The following CHMP1A variants were observed in gnomAD, a reference collection of about 807,000 sequenced individuals.
CHMP1A encodes charged multivesicular body protein 1A, also known as VPS46 homolog A.
In CHMP1A, 17 loss-of-function variants were observed where a neutral mutation model predicts 27.0. The observed-to-expected ratio is 0.63, with a 90% CI of 0.43 to 0.95. CHMP1A has a LOEUF of 0.95. CHMP1A is among the 40% of genes least tolerant of loss of function. The probability of loss-of-function intolerance (pLI) is 0.00; values close to 1 mark genes in which losing one functional copy is unlikely to be tolerated. For synonymous variants in CHMP1A, 131 were observed against 107.5 expected, an observed-to-expected ratio of 1.22 and a Z score of -1.35; for missense variants, 275 against 264.0, an observed-to-expected ratio of 1.04 and a Z score of -0.29.
rs76319088 is a variant in CHMP1A, at chr16:89,652,019, G to C, written c.28-373C>G. Among the ~76,000 whole-genome samples, 3,710 of 152,332 alleles carry C rather than the reference G, an allele frequency of 0.024. 686 individuals carry two copies. In the East Asian group the frequency reaches 0.5, roughly 21 times the overall value. ...GGCTTTTCAACGTCAAAGAAAGACT[G>C]AAGGAAACTCATTTCAGGCTACCCC... On this transcript the variant is annotated intron_variant, in intron 2 of 6. Transcript: ENST00000397901.
chr16:89,647,450 A>C, intron 4 of CHMP1A, 119 bp from the exon 5 acceptor site: 1 of 890,910 alleles, frequency 1.1e-6, no homozygotes, highest in Non-Finnish European at 1.7e-6. Flanking sequence ...TGACCCACAA[A>C]ACCCCAACTC....
Position 89,646,926 on chromosome 16 carries a change from T to C in CHMP1A, c.382-212A>G, listed in dbSNP as rs1555634072. 2.4e-5 allele frequency: 16 copies of C among 669,908 alleles called. 1 individual carries two copies. The highest frequency in any genetic ancestry group is 2.8e-5 in the Admixed American group (1 of 35,910). 41.5% of individuals were successfully genotyped at this position (669,908 alleles called of 1,614,324 possible). A position where few individuals can be genotyped will look rare whatever the true frequency, so the allele number is the denominator to read the frequency against. ...CACCCTCTGACTGTGCCATGCCTGC[T>C]GCCGCGGGTGGACATCTTTCCACAC... On this transcript the variant is annotated intron_variant, in intron 5 of 6. Transcript: ENST00000397901.
At chr16:89,655,814 C>A (rs559008789) in intron 1 of CHMP1A, among the ~76,000 whole-genome samples, 4 of 152,082 alleles carry the variant, frequency 2.6e-5, no homozygotes, top group African/African-American at 4.8e-5. Flanking sequence ...TTAGAAGAGA[C>A]GGGGTTTCAC....
At chr16:89,654,952 A>G (rs961968619) in intron 1 of CHMP1A, among the ~76,000 whole-genome samples, 4 of 152,128 alleles carry the variant, frequency 2.6e-5, no homozygotes, top group African/African-American at 9.7e-5. Flanking sequence ...CAAAAAAAAA[A>G]AGAAAAAATA....
At chr16:89,648,784 G>A (rs1226029515) in intron 4 of CHMP1A, among the ~76,000 whole-genome samples, 2 of 100,440 alleles carry the variant, frequency 2.0e-5, no homozygotes, top group Non-Finnish European at 4.2e-5. Flanking sequence ...TCAGCTACTT[G>A]GGAGGCTGAG....
chr16:89,646,397 C>T lies in CHMP1A; in HGVS notation c.569+130G>A, dbSNP rs369712341. The T allele has an allele frequency of 6.5e-5, 71 of 1,087,182 alleles. No individual in the cohort carries two copies. The African/African-American group carries it at 7.1e-4, about 11-fold the overall frequency. The allele number at this position is 1,087,182 out of a possible 1,614,324, so 67.3% of individuals were successfully genotyped here. A position where few individuals can be genotyped will look rare whatever the true frequency, so the allele number is the denominator to read the frequency against. ...GCGGCTGCAGCTGGGGCCTCTGAGT[C>T]GAGATCAGGGCTCCCTGGTCGGAGC... is the stretch of plus-strand genomic sequence containing the variant. On this transcript the variant is annotated intron_variant, in intron 6 of 6. Coordinates refer to ENST00000397901, the MANE Select transcript of CHMP1A (RefSeq NM_002768.5).
At position 89,646,023 on chromosome 16, in the gene CHMP1A, A is replaced by G. The variant is rs1381537166; in HGVS notation, c.*43T>C. 1 of 1,605,950 alleles carries G rather than the reference A, an allele frequency of 6.2e-7. No homozygotes were observed. The highest frequency in any genetic ancestry group is 2.2e-5 in the East Asian group (1 of 44,724). The stretch of plus-strand genomic sequence containing the variant: ...GGTGGGGAGAGGACAGGAGCCTTCC[A>G]GCACATCACGGGGCAGAGGCGGTGC... On this transcript the variant is annotated 3_prime_UTR_variant, in exon 7 of 7. Transcript: ENST00000397901.
At chr16:89,649,263 T>A in intron 4 of CHMP1A, 88 bp downstream of exon 4, 1 of 1,379,198 alleles carries the variant, frequency 7.3e-7, no homozygotes, top group Non-Finnish European at 9.7e-7. Context: ...TTCCGTCAAC[T>A]CTGAGCTGCC....
chr16:89,646,884 G>GTCCCCC, intron 5 of CHMP1A, 170 bp from the exon 6 acceptor site: 1 of 709,060 alleles, frequency 1.4e-6, no homozygotes, highest in Non-Finnish European at 2.4e-6. Context: ...AGCCTTTCCT[G>GTCCCCC]CCCCCCCACC....
intron 1 of CHMP1A, among the ~76,000 whole-genome samples, chr16:89,656,874 CA>C (rs36093105): frequency 0.075 from 11,355 of 152,048 alleles, 546 homozygotes; most frequent in Admixed American, 0.12. Flanking sequence ...TGAGGAGTGC[CA>C]GGGGCGGGGG....
chr16:89,656,643 C>T (rs981041901), intron 1 of CHMP1A, among the ~76,000 whole-genome samples: 1 of 152,214 alleles, frequency 6.6e-6, no homozygotes, highest in African/African-American at 2.4e-5. Flanking sequence ...CTCTGCTTCC[C>T]CACATGGAGA....
rs72805595 is a variant in CHMP1A, at chr16:89,649,256, C to T, written c.252+95G>A. 0.22 allele frequency: 319,703 copies of T among 1,476,826 alleles called. 36,591 individuals are homozygous for T. The highest frequency in any genetic ancestry group is 0.28 in the South Asian group (22,047 of 77,940). 91.5% of individuals were successfully genotyped at this position (1,476,826 alleles called of 1,614,324 possible). On this transcript the variant is annotated intron_variant, in intron 4 of 6. Transcript: ENST00000397901. Reference sequence around the variant, plus strand: ...CCCCACCCCGCGCTGATCCACCTTCCGTCAACTCTGAGCTGCCCCAGATCC... The same window carrying T: ...CCCCACCCCGCGCTGATCCACCTTCTGTCAACTCTGAGCTGCCCCAGATCC...
At chr16:89,650,189 T>C (rs2059813307) in intron 3 of CHMP1A, among the ~76,000 whole-genome samples, 1 of 152,148 alleles carries the variant, frequency 6.6e-6, no homozygotes. Context: ...CTTTTTTTTC[T>C]TTTTTTGGAG....
Position 89,651,553 on chromosome 16 carries a change from GC to G in CHMP1A, c.105+15del. On this transcript the variant is annotated intron_variant, in intron 3 of 6. Coordinates refer to ENST00000397901, the MANE Select transcript of CHMP1A (RefSeq NM_002768.5). ...AAACCAGGAGAGTCATGACCCCACAGCCCCCAGGGTCTCACCTTCTTCACTT... is the reference window on the plus strand; with the variant it reads ...AAACCAGGAGAGTCATGACCCCACAGCCCCAGGGTCTCACCTTCTTCACTT... 6.2e-7 allele frequency: 1 copy of G among 1,612,276 alleles called. No homozygotes were observed.
chr16:89,647,439 C>T, intron 4 of CHMP1A, 108 bp from the exon 5 acceptor site: 14 of 1,073,250 alleles, frequency 1.3e-5, no homozygotes, highest in Non-Finnish European at 1.9e-5. Context: ...CACCCCAACC[C>T]TGACCCACAA....
chr16:89,647,553 C>T lies in CHMP1A; in HGVS notation c.253-222G>A, dbSNP rs548753744. On this transcript the variant is annotated intron_variant, in intron 4 of 6. Coordinates refer to ENST00000397901, the MANE Select transcript of CHMP1A (RefSeq NM_002768.5). ...AGTGCGGGGTCAGTGGAGAAAAGGC[C>T]GCCGACGTGGAGACCCAGTGCGGGG... 2.1e-3 allele frequency among the ~76,000 whole-genome samples: 302 copies of T among 144,492 alleles called. 12 individuals are homozygous for T. Among genetic ancestry groups the T allele is most frequent in the African/African-American group, 7.5e-3 (283 of 37,878 alleles). The allele number at this position is 144,492 out of a possible 152,430, so 94.8% of individuals were successfully genotyped here.
At chr16:89,655,725 A>G (rs1347510250) in intron 1 of CHMP1A, among the ~76,000 whole-genome samples, 3 of 152,006 alleles carry the variant, frequency 2.0e-5, no homozygotes, top group Non-Finnish European at 4.4e-5. Flanking sequence ...TCCCAGGTTT[A>G]AGCGATTCTC....
chr16:89,649,860 G>C (rs763717764), intron 3 of CHMP1A, among the ~76,000 whole-genome samples: 1 of 152,222 alleles, frequency 6.6e-6, no homozygotes, highest in Non-Finnish European at 1.5e-5. Flanking sequence ...ACAGGCGTGA[G>C]CCACCGCGCC....
chr16:89,649,638 C>G (rs932978108), intron 3 of CHMP1A, 141 bp from the exon 4 acceptor site: 2 of 967,250 alleles, frequency 2.1e-6, no homozygotes, highest in African/African-American at 3.3e-5. Context: ...TGCAGTGGCA[C>G]GATCTCGACT....
Sources: gnomAD v4.1 joint callset for allele counts (sites outside exome capture counted in the v4.1 genomes callset) on GRCh38, gnomAD v4.1.1 for gene constraint, MANE v1.5 for transcripts, NCBI Gene and HGNC (gene_info 2026-07-23, HGNC 2026-07-21) for gene names.